The following FARP2 variants were observed in gnomAD, a reference collection of about 807,000 sequenced individuals.
FARP2 encodes FERM, ARHGEF and pleckstrin domain-containing protein 2.
Under a neutral mutation model 130.5 loss-of-function variants are expected in FARP2, and 111 were observed. That is an observed-to-expected ratio of 0.85 (90% confidence interval 0.73 to 1.00). The LOEUF (loss-of-function observed/expected upper bound fraction) is 1.00, where lower values mean the gene tolerates loss of function less well. FARP2 is among the 50% of genes least tolerant of loss of function. The pLI, the probability that FARP2 is intolerant of heterozygous loss-of-function variation, is 0.00. For missense variants in FARP2, 1,385 were observed against 1,346.3 expected, an observed-to-expected ratio of 1.03 and a Z score of -0.45; for synonymous variants, 504 against 516.9, an observed-to-expected ratio of 0.98 and a Z score of 0.34.
intron 21 of FARP2, among the ~76,000 whole-genome samples, chr2:241,485,534 G>C (rs1030056608): frequency 2.2e-5 from 3 of 134,458 alleles, no homozygotes; most frequent in African/African-American, 8.5e-5. Context: ...CCCCTTCCTG[G>C]GATCTTCCCT....
intron 12 of FARP2, among the ~76,000 whole-genome samples, chr2:241,437,670 A>ATTTTTTTT (rs763025047): frequency 0.047 from 6,202 of 132,736 alleles, 220 homozygotes; most frequent in Non-Finnish European, 0.069. Flanking sequence ...TTATTTATTT[A>ATTTTTTTT]TTTTTTTTTT....
chr2:241,453,878 G>A (rs1386552859), intron 13 of FARP2, among the ~76,000 whole-genome samples: 1 of 139,308 alleles, frequency 7.2e-6, no homozygotes, highest in Non-Finnish European at 1.5e-5. Context: ...CCACCTCCCG[G>A]GTTCAAGCAA....
chr2:241,477,870 T>C (rs1031996879), intron 19 of FARP2: 1 of 152,982 alleles, frequency 6.5e-6, no homozygotes, highest in African/African-American at 2.4e-5. Context: ...TGGAGAAATG[T>C]CTATTCAAAT....
intron 18 of FARP2, among the ~76,000 whole-genome samples, chr2:241,473,076 C>G (rs964134389): frequency 4.0e-5 from 6 of 150,372 alleles, no homozygotes; most frequent in Admixed American, 3.3e-4. Context: ...GCATTATGTT[C>G]TCTGGGGACC....
chr2:241,415,602 C>A (rs1490782222), intron 7 of FARP2, among the ~76,000 whole-genome samples: 5 of 152,108 alleles, frequency 3.3e-5, no homozygotes, highest in Non-Finnish European at 7.4e-5. Context: ...AGGCAGAGGG[C>A]AGATACAGGT....
At chr2:241,431,608 C>G in intron 8 of FARP2, 71 bp from the exon 9 acceptor site, 1 of 767,076 alleles carries the variant, frequency 1.3e-6, no homozygotes, top group Non-Finnish European at 2.3e-6. Context: ...GTAATTTAAG[C>G]ATTCCCTATT....
rs3821282 is a variant in FARP2, at chr2:241,447,778, C to T, written c.1411+6222C>T. On this transcript the variant is annotated intron_variant, in intron 13 of 26. Coordinates refer to ENST00000264042, the MANE Select transcript of FARP2 (RefSeq NM_014808.4). ...CCATGCCTCTCTAGCCCCACACACGCCTGCGGGGGTGGGGGCAGGGCTTTG... is the reference window on the plus strand; with the variant it reads ...CCATGCCTCTCTAGCCCCACACACGTCTGCGGGGGTGGGGGCAGGGCTTTG... 7.2e-5 allele frequency among the ~76,000 whole-genome samples: 11 copies of T among 152,308 alleles called. No individual in the cohort carries two copies. In the East Asian group the frequency reaches 2.1e-3, roughly 29 times the overall value.
chr2:241,434,540 T>G (rs1202951613), intron 10 of FARP2, among the ~76,000 whole-genome samples: 4 of 152,240 alleles, frequency 2.6e-5, no homozygotes, highest in Non-Finnish European at 5.9e-5. Context: ...TTACGCTTAC[T>G]ACAAAGTATA....
intron 8 of FARP2, among the ~76,000 whole-genome samples, chr2:241,430,809 G>A (rs2063071142): frequency 6.6e-6 from 1 of 152,270 alleles, no homozygotes; most frequent in African/African-American, 2.4e-5. Flanking sequence ...TTCAAGAGCA[G>A]CCTGGCCAAC....
chr2:241,357,060 C>G (rs2061085474), intron 1 of FARP2, among the ~76,000 whole-genome samples: 1 of 152,232 alleles, frequency 6.6e-6, no homozygotes, highest in South Asian at 2.1e-4. Flanking sequence ...TCCGTTTACG[C>G]TATGGCAGCA....
At chr2:241,444,586 G>T (rs1203172126) in intron 13 of FARP2, 3 of 152,208 alleles carry the variant, frequency 2.0e-5, no homozygotes, top group Non-Finnish European at 4.4e-5. Flanking sequence ...TGAAGCTAAT[G>T]CTGTGGAAGC....
At chr2:241,433,748 G>A (rs892312457) in intron 9 of FARP2, among the ~76,000 whole-genome samples, 4 of 152,190 alleles carry the variant, frequency 2.6e-5, no homozygotes, top group Middle Eastern at 3.2e-3. Flanking sequence ...TTCCTGGGCT[G>A]GGTGCAGTGG....
intron 21 of FARP2, among the ~76,000 whole-genome samples, chr2:241,485,247 C>A (rs1300339755): frequency 3.3e-5 from 5 of 150,906 alleles, no homozygotes; most frequent in Non-Finnish European, 5.9e-5. Flanking sequence ...GTAGTCCTCC[C>A]TCCCTGGGAT....
chr2:241,430,940 C>T (rs1216955940), intron 8 of FARP2, among the ~76,000 whole-genome samples: 2 of 151,362 alleles, frequency 1.3e-5, no homozygotes, highest in African/African-American at 2.4e-5. Flanking sequence ...GCGGAGGTTA[C>T]AGCGAATGGA....
chr2:241,379,847 T>C (rs764442938), intron 2 of FARP2, among the ~76,000 whole-genome samples: 1 of 152,274 alleles, frequency 6.6e-6, no homozygotes, highest in Non-Finnish European at 1.5e-5. Flanking sequence ...TATGTGACTC[T>C]GCCCTAGCTT....
intron 25 of FARP2, 74 bp from the exon 26 acceptor site, chr2:241,493,219 G>A: frequency 1.1e-5 from 17 of 1,504,012 alleles, no homozygotes; most frequent in Non-Finnish European, 1.5e-5. Context: ...CCACCGTTGT[G>A]CAGGTAGCAG....
At chr2:241,483,671 C>T (rs979621729) in intron 20 of FARP2, 138 bp downstream of exon 20, 6 of 1,245,044 alleles carry the variant, frequency 4.8e-6, no homozygotes, top group South Asian at 2.7e-5. Context: ...AGGTGGGTAG[C>T]GTTGGAGTCA....
chr2:241,463,410 C>T lies in FARP2; in HGVS notation c.1753C>T (p.Pro585Ser), dbSNP rs148011827. The T allele has an allele frequency of 5.0e-5, 81 of 1,614,096 alleles. No homozygotes were observed. The highest frequency in any genetic ancestry group is 6.6e-5 in the Non-Finnish European group (78 of 1,180,016). ...GACGCTGCTCTTCTCCAACATCGAT[C>T]CCATCTATGAGTTCCACAGAGGCTT... ...LMTLLFSNID[P>S]IYEFHRGFLR... The change falls in exon 16 of 27, where the codon CCC (proline) becomes TCC (serine). Residue 585 changes from proline (P) to serine (S), a missense_variant. Transcript: ENST00000264042.
chr2:241,485,779 T>A (rs989425552), intron 21 of FARP2, among the ~76,000 whole-genome samples: 1 of 150,784 alleles, frequency 6.6e-6, no homozygotes, highest in East Asian at 2.0e-4. Context: ...GGATTTTCCC[T>A]CCCCATGGTC....
Sources: gnomAD v4.1 joint callset for allele counts (sites outside exome capture counted in the v4.1 genomes callset) on GRCh38, gnomAD v4.1.1 for gene constraint, MANE v1.5 for transcripts, NCBI Gene and HGNC (gene_info 2026-07-23, HGNC 2026-07-21) for gene names.